Variants in COX10 observed in about 807,000 individuals in gnomAD.
COX10 encodes the protein protoheme IX farnesyltransferase, mitochondrial.
A neutral mutation model predicts 37.3 loss-of-function variants in COX10; 27 were observed. That is an observed-to-expected ratio of 0.72 (90% CI 0.53 to 1.00). The LOEUF (loss-of-function observed/expected upper bound fraction) is 1.00. Ranked by LOEUF, COX10 falls within the 50% of genes least tolerant of loss-of-function variation. The pLI is 0.00. For missense variants in COX10, 475 were observed against 563.2 expected, an observed-to-expected ratio of 0.84 and a Z score of 1.59; for synonymous variants, 222 against 229.1, an observed-to-expected ratio of 0.97 and a Z score of 0.28.
rs1379698014 is a variant in COX10 at position 14,184,362 on chromosome 17, G to A, written c.696-7627G>A. 3.9e-5 allele frequency among the ~76,000 whole-genome samples: 6 copies of A among 152,284 alleles called. No individual in the cohort carries two copies. In the East Asian group the frequency reaches 1.2e-3, roughly 29 times the overall value. ...CACCTGATCCTACTCAGCATGCTTA[G>A]TTATGCTACCATGAGGAAACCAGAA... On this transcript the variant is annotated intron_variant, in intron 5 of 6. Transcript: ENST00000261643.
At chr17:14,206,048 T>A (rs1385696288) in intron 6 of COX10, among the ~76,000 whole-genome samples, 1 of 152,146 alleles carries the variant, frequency 6.6e-6, no homozygotes, top group Non-Finnish European at 1.5e-5. Flanking sequence ...ACACATGTGG[T>A]TTTGACACCT....
Position 14,206,956 on chromosome 17 carries a change from C to T in COX10, c.1075C>T (p.Arg359Cys). ...HPGLCRRVAL[R>C]HCLALLVLSA... Reference sequence around the variant, plus strand: ...GGGCCTGTGCCGGCGCGTGGCGCTGCGCCACTGCCTGGCCCTGCTCGTGCT... The same window carrying T: ...GGGCCTGTGCCGGCGCGTGGCGCTGTGCCACTGCCTGGCCCTGCTCGTGCT... Residue 359 changes from arginine (R) to cysteine (C), a missense_variant, in exon 7 of 7, where the codon CGC becomes TGC. Arg to Cys is a radical substitution (Grantham distance 180). Coordinates refer to ENST00000261643, the MANE Select transcript of COX10 (RefSeq NM_001303.4). 3 of 1,613,956 alleles carry T rather than the reference C, an allele frequency of 1.9e-6. No individual in the cohort carries two copies. Among genetic ancestry groups the T allele is most frequent in the Non-Finnish European group, 2.5e-6 (3 of 1,179,904 alleles).
rs368747613 is a variant in COX10, at chr17:14,105,996, T to C, written c.624+3754T>C. Reference sequence around the variant, plus strand: ...ATGGACATCTCGCCATGTCAGTATTTGGTATAGCATGTTTTTTTGTTTTTG... The same window carrying C: ...ATGGACATCTCGCCATGTCAGTATTCGGTATAGCATGTTTTTTTGTTTTTG... On this transcript the variant is annotated intron_variant, in intron 4 of 6. Transcript: ENST00000261643. Among the ~76,000 whole-genome samples, 58 of 139,070 alleles carry C rather than the reference T, an allele frequency of 4.2e-4. No individual in the cohort carries two copies. In the South Asian group the frequency reaches 9.1e-3, roughly 22 times the overall value. 91.2% of individuals were successfully genotyped at this position (139,070 alleles called of 152,430 possible).
chr17:14,077,078 C>T (rs1597491375), intron 3 of COX10, 22 bp downstream of exon 3: 1 of 1,608,176 alleles, frequency 6.2e-7, no homozygotes, highest in East Asian at 2.2e-5. Context: ...TTCTGATATA[C>T]TTACTTATTT....
At position 14,207,486 on chromosome 17, in the gene COX10, T is replaced by C. The variant is rs567457401; in HGVS notation, c.*273T>C. 4.8e-4 allele frequency: 206 copies of C among 430,456 alleles called. No individual in the cohort carries two copies. The highest frequency in any genetic ancestry group is 8.0e-4 in the Non-Finnish European group (194 of 241,004). The allele number at this position is 430,456 out of a possible 1,614,324, so 26.7% of individuals were successfully genotyped here. ...ATCTCTCCTCCAACCCCACCCTCTA[T>C]TCTGTTTCTTCCTCCTCACATGGGG... On this transcript the variant is annotated 3_prime_UTR_variant, in exon 7 of 7. Transcript: ENST00000261643.
intron 5 of COX10, among the ~76,000 whole-genome samples, chr17:14,186,367 C>A (rs1273594811): frequency 2.0e-5 from 3 of 151,980 alleles, no homozygotes; most frequent in African/African-American, 7.3e-5. Context: ...TTCTTCTCCT[C>A]TTTGGCCTTC....
At chr17:14,187,327 A>C (rs975667102) in intron 5 of COX10, among the ~76,000 whole-genome samples, 2 of 152,246 alleles carry the variant, frequency 1.3e-5, no homozygotes, top group African/African-American at 4.8e-5. Context: ...AAATGGAAAA[A>C]GACTGAATGT....
chr17:14,128,590 G>A (rs2142217653), intron 4 of COX10, among the ~76,000 whole-genome samples: 1 of 152,200 alleles, frequency 6.6e-6, no homozygotes, highest in South Asian at 2.1e-4. Context: ...ATATAGTAGG[G>A]ATTCCATAGG....
intron 5 of COX10, among the ~76,000 whole-genome samples, chr17:14,170,209 A>G (rs1252424311): frequency 6.6e-6 from 1 of 152,190 alleles, no homozygotes; most frequent in Non-Finnish European, 1.5e-5. Flanking sequence ...ATGGACTAAT[A>G]TATTGAGTAA....
chr17:14,093,562 C>T (rs1347671119), intron 3 of COX10, among the ~76,000 whole-genome samples: 1 of 152,138 alleles, frequency 6.6e-6, no homozygotes. Context: ...GAACTAGGGG[C>T]CTGGCTAAAT....
At chr17:14,197,408 G>C (rs1182840473) in intron 6 of COX10, among the ~76,000 whole-genome samples, 2 of 152,288 alleles carry the variant, frequency 1.3e-5, no homozygotes, top group East Asian at 3.9e-4. Context: ...ATAACTCTAA[G>C]GATGTTCCAT....
At chr17:14,116,982 A>T (rs1347441586) in intron 4 of COX10, among the ~76,000 whole-genome samples, 2 of 152,204 alleles carry the variant, frequency 1.3e-5, no homozygotes, top group South Asian at 2.1e-4. Flanking sequence ...TGGTCAACAC[A>T]TTCTTTTCAT....
At chr17:14,144,283 T>C (rs184059556) in intron 4 of COX10, among the ~76,000 whole-genome samples, 136 of 152,324 alleles carry the variant, frequency 8.9e-4, no homozygotes, top group Non-Finnish European at 1.6e-3. Flanking sequence ...TGTTTGTTTT[T>C]AAATGATGGC....
At chr17:14,069,952 G>A (rs1291246596) in intron 1 of COX10, among the ~76,000 whole-genome samples, 2 of 152,176 alleles carry the variant, frequency 1.3e-5, no homozygotes, top group African/African-American at 2.4e-5. Flanking sequence ...GGGCAGAGCA[G>A]AACCTTGGGG....
Position 14,109,211 on chromosome 17 carries a change from GTCTC to G in COX10, c.624+6971_624+6974del, listed in dbSNP as rs1445168103. Among the ~76,000 whole-genome samples, 14 of 152,256 alleles carry G rather than the reference GTCTC, an allele frequency of 9.2e-5. No homozygotes were observed. The South Asian group carries it at 2.7e-3, about 29-fold the overall frequency. ...GTTCTTGAATACCATGTGGGAAAGA[GTCTC>G]TAACTAAATATGGTTTTTATATATA... is the stretch of plus-strand genomic sequence containing the variant. On this transcript the variant is annotated intron_variant, in intron 4 of 6. Coordinates refer to ENST00000261643, the MANE Select transcript of COX10 (RefSeq NM_001303.4).
chr17:14,169,505 G>C (rs1905393196), intron 5 of COX10, among the ~76,000 whole-genome samples: 1 of 152,072 alleles, frequency 6.6e-6, no homozygotes, highest in Non-Finnish European at 1.5e-5. Flanking sequence ...TTCTGTATTA[G>C]TCCATTTTCA....
intron 4 of COX10, 120 bp from the exon 5 acceptor site, chr17:14,159,757 T>C: frequency 1.3e-6 from 1 of 748,796 alleles, no homozygotes. Flanking sequence ...TGCCAGGGTA[T>C]TGATTTATGC....
chr17:14,138,675 T>C (rs1168623540), intron 4 of COX10, among the ~76,000 whole-genome samples: 2 of 152,190 alleles, frequency 1.3e-5, no homozygotes, highest in African/African-American at 2.4e-5. Flanking sequence ...ATCGGTCCTT[T>C]CTCTAAACTT....
At chr17:14,143,539 TAA>T (rs1472878588) in intron 4 of COX10, among the ~76,000 whole-genome samples, 1 of 152,096 alleles carries the variant, frequency 6.6e-6, no homozygotes, top group Non-Finnish European at 1.5e-5. Flanking sequence ...ACAGAGTCGT[TAA>T]AGAGAGGTTT....
Sources: gnomAD v4.1 joint callset for allele counts (sites outside exome capture counted in the v4.1 genomes callset) on GRCh38, gnomAD v4.1.1 for gene constraint, MANE v1.5 for transcripts, NCBI Gene and HGNC (gene_info 2026-07-23, HGNC 2026-07-21) for gene names.